The following IQCM variants were observed in gnomAD, a reference collection of about 807,000 sequenced individuals.
IQCM encodes IQ motif containing M.
Under a neutral mutation model 57.6 loss-of-function variants are expected in IQCM, and 45 were observed. The ratio of observed to expected loss-of-function variants is 0.78; its 90% CI spans 0.62 to 1.00. IQCM has a LOEUF of 1.00. Ranked by LOEUF, IQCM falls within the 50% of genes least tolerant of loss-of-function variation. The pLI, the probability that IQCM is intolerant of heterozygous loss-of-function variation, is 0.00. For synonymous variants in IQCM, 148 were observed against 158.9 expected, an observed-to-expected ratio of 0.93 and a Z score of 0.51; for missense variants, 468 against 511.6, an observed-to-expected ratio of 0.91 and a Z score of 0.82.
intron 12 of IQCM, among the ~76,000 whole-genome samples, chr4:149,523,220 T>G (rs1269865076): frequency 2.6e-5 from 4 of 152,050 alleles, no homozygotes; most frequent in African/African-American, 9.7e-5. Context: ...CACAACCCAA[T>G]TACCTCCCAA....
chr4:149,598,552 G>A (rs1198899699), intron 8 of IQCM, among the ~76,000 whole-genome samples: 3 of 151,992 alleles, frequency 2.0e-5, no homozygotes, highest in Non-Finnish European at 4.4e-5. Context: ...AAAATGAAAT[G>A]AAAGAAATGC....
At chr4:149,667,017 G>C (rs577471942) in intron 7 of IQCM, among the ~76,000 whole-genome samples, 2 of 152,228 alleles carry the variant, frequency 1.3e-5, no homozygotes, top group South Asian at 4.1e-4. Flanking sequence ...AGACTTAAAC[G>C]TCCCTGCCTG....
chr4:149,769,565 A>AC (rs1770375196), intron 2 of IQCM, among the ~76,000 whole-genome samples: 1 of 152,060 alleles, frequency 6.6e-6, no homozygotes, highest in African/African-American at 2.4e-5. Flanking sequence ...TAAAAAAAAA[A>AC]AAAGTTTAAA....
chr4:149,540,973 C>T (rs1357508137), intron 12 of IQCM, among the ~76,000 whole-genome samples: 1 of 152,118 alleles, frequency 6.6e-6, no homozygotes. Context: ...CTTTTGCCAT[C>T]AGAATTTTTC....
chr4:149,552,684 C>T (rs1305777397), intron 11 of IQCM, among the ~76,000 whole-genome samples: 1 of 152,132 alleles, frequency 6.6e-6, no homozygotes, highest in Non-Finnish European at 1.5e-5. Flanking sequence ...TCCCTACCTT[C>T]CCACTGCAAA....
At chr4:149,593,753 T>A (rs1321425840) in intron 8 of IQCM, among the ~76,000 whole-genome samples, 1 of 152,136 alleles carries the variant, frequency 6.6e-6, no homozygotes, top group Non-Finnish European at 1.5e-5. Context: ...ATAGGATGGA[T>A]TATGTTTATT....
At chr4:149,646,507 T>C (rs751054506) in intron 7 of IQCM, among the ~76,000 whole-genome samples, 4 of 152,176 alleles carry the variant, frequency 2.6e-5, no homozygotes, top group Non-Finnish European at 5.9e-5. Flanking sequence ...TTTACATTCT[T>C]AATATTGATA....
intron 9 of IQCM, among the ~76,000 whole-genome samples, chr4:149,568,441 G>A (rs544262130): frequency 4.1e-4 from 63 of 152,190 alleles, no homozygotes; most frequent in African/African-American, 1.5e-3. Context: ...AATATAAAAA[G>A]AGGTGACTAT....
At chr4:149,530,014 A>G (rs1201815730) in intron 12 of IQCM, among the ~76,000 whole-genome samples, 1 of 152,034 alleles carries the variant, frequency 6.6e-6, no homozygotes, top group Non-Finnish European at 1.5e-5. Context: ...GCTGTCTCTC[A>G]TTATCCACTC....
rs28742002 is a variant in IQCM, at chr4:149,636,993, A to C, written c.566-15749T>G. Among the ~76,000 whole-genome samples, 950 of 151,628 alleles carry C rather than the reference A, an allele frequency of 6.3e-3. 11 individuals are homozygous for C. The highest frequency in any genetic ancestry group is 0.022 in the African/African-American group (904 of 41,418). On this transcript the variant is annotated intron_variant, in intron 7 of 13. Transcript: ENST00000636793. ...CCCGCCTCTACTAAAAATACAAAAAATTAGCCGGGCGCGGTGGCAGGCGCC... is the reference window on the plus strand; with the variant it reads ...CCCGCCTCTACTAAAAATACAAAAACTTAGCCGGGCGCGGTGGCAGGCGCC...
Position 149,587,956 on chromosome 4 carries a change from G to A in IQCM, c.723C>T (p.Ile241=), listed in dbSNP as rs1039991506. The stretch of plus-strand genomic sequence containing the variant: ...TGGGTTGTGATTTTGGTTCTGGCTT[G>A]ATAGGTTGTCGCTCCTTTTTAATAA... ...KTLIKKERQP[I]KPEPKSQPRI... Residue 241 remains isoleucine (I), a synonymous_variant, in exon 9 of 14, where the codon ATC becomes ATT. Coordinates refer to ENST00000636793, the MANE Select transcript of IQCM (RefSeq NM_001363507.2). 3.3e-6 allele frequency: 4 copies of A among 1,225,690 alleles called. No homozygotes were observed. The highest frequency in any genetic ancestry group is 4.1e-6 in the Non-Finnish European group (4 of 982,830). The allele number at this position is 1,225,690 out of a possible 1,614,324, so 75.9% of individuals were successfully genotyped here.
chr4:149,543,372 A>G (rs1288439202), intron 12 of IQCM, among the ~76,000 whole-genome samples: 1 of 152,090 alleles, frequency 6.6e-6, no homozygotes, highest in Non-Finnish European at 1.5e-5. Context: ...AAAAACTTAG[A>G]TAAATAGTAA....
chr4:149,781,892 A>G (rs1163021095), intron 2 of IQCM, among the ~76,000 whole-genome samples: 2 of 152,152 alleles, frequency 1.3e-5, no homozygotes, highest in Non-Finnish European at 2.9e-5. Flanking sequence ...AAGCATAAAA[A>G]CCTGCTAGGG....
intron 7 of IQCM, among the ~76,000 whole-genome samples, chr4:149,624,954 T>C (rs1756669850): frequency 6.6e-6 from 1 of 152,240 alleles, no homozygotes; most frequent in African/African-American, 2.4e-5. Flanking sequence ...TTCCCTTTTA[T>C]CAATTCTCTC....
rs1754393691 is a variant in IQCM at position 149,602,352 on chromosome 4, G to A, written c.682-14355C>T. On this transcript the variant is annotated intron_variant, in intron 8 of 13. Coordinates refer to ENST00000636793, the MANE Select transcript of IQCM (RefSeq NM_001363507.2). ...GGAACCAATCCCCTATGCATATAGT[G>A]AGATAACTGTATTCATTACATTTAT... Among the ~76,000 whole-genome samples the A allele has an allele frequency of 2.6e-5, 4 of 152,032 alleles. No homozygotes were observed. In the South Asian group the frequency reaches 6.2e-4, roughly 24 times the overall value.
chr4:149,692,316 C>T (rs1580012711), intron 5 of IQCM, among the ~76,000 whole-genome samples: 3 of 152,232 alleles, frequency 2.0e-5, no homozygotes, highest in Non-Finnish European at 1.5e-5. Flanking sequence ...CAGAGCGCAA[C>T]CTTTCTTGTC....
intron 7 of IQCM, among the ~76,000 whole-genome samples, chr4:149,643,581 T>C (rs1195381583): frequency 1.3e-5 from 2 of 152,140 alleles, no homozygotes; most frequent in Non-Finnish European, 2.9e-5. Flanking sequence ...CTGAGACTTA[T>C]GTTATCAGGG....
At chr4:149,599,229 G>A (rs759392509) in intron 8 of IQCM, among the ~76,000 whole-genome samples, 1 of 152,068 alleles carries the variant, frequency 6.6e-6, no homozygotes, top group Non-Finnish European at 1.5e-5. Context: ...GGGATGTTGT[G>A]CATTGATGGA....
intron 12 of IQCM, among the ~76,000 whole-genome samples, chr4:149,441,772 C>T (rs935461953): frequency 1.3e-5 from 2 of 152,134 alleles, no homozygotes; most frequent in Non-Finnish European, 2.9e-5. Context: ...TAATCCCATT[C>T]CTATGATTTG....
Sources: gnomAD v4.1 joint callset for allele counts (sites outside exome capture counted in the v4.1 genomes callset) on GRCh38, gnomAD v4.1.1 for gene constraint, MANE v1.5 for transcripts, NCBI Gene and HGNC (gene_info 2026-07-23, HGNC 2026-07-21) for gene names.